The following LIG1 variants were observed in gnomAD, a reference collection of about 807,000 sequenced individuals.
LIG1 encodes the protein ligase I, DNA, ATP-dependent.
LIG1 carries 70 observed loss-of-function variants against 115.7 expected under a neutral mutation model. The observed-to-expected ratio is 0.60, with a 90% confidence interval of 0.50 to 0.74. The LOEUF is 0.74. Among genes scored for constraint, LIG1 ranks in the 30% least tolerant of loss-of-function variants. LIG1 has a pLI of 0.00. For missense variants in LIG1, 1,115 were observed against 1,225.6 expected, an observed-to-expected ratio of 0.91 and a Z score of 1.35; for synonymous variants, 487 against 495.3, an observed-to-expected ratio of 0.98 and a Z score of 0.22.
chr19:48,133,070 T>A lies in LIG1; in HGVS notation c.1637A>T (p.His546Leu). The change falls in exon 18 of 28, where the codon CAT becomes CTT. Residue 546 changes from histidine to leucine, a missense_variant. His to Leu is a moderately conservative substitution (Grantham distance 99). Coordinates refer to ENST00000263274, the MANE Select transcript of LIG1 (RefSeq NM_000234.3). ...PGIPLKPMLA[H>L]PTRGISEVLK... ...GACCTCGCTGATGCCCCGGGTGGGA[T>A]GGGCCAACATTGGTTTCAGGGGAAT... 6.2e-7 allele frequency: 1 copy of A among 1,614,002 alleles called. No individual in the cohort carries two copies.
At position 48,116,071 on chromosome 19, in the gene LIG1, G is replaced by A. The variant is rs371190338; in HGVS notation, c.2584-106C>T. 264 of 801,962 alleles carry A rather than the reference G, an allele frequency of 3.3e-4. 1 individual carries two copies. The highest frequency in any genetic ancestry group is 5.1e-4 in the Non-Finnish European group (242 of 469,932). 49.7% of individuals were successfully genotyped at this position (801,962 alleles called of 1,614,324 possible). ...GTTTCCTGATCCACATGACGGGGCCGAACGATGGGTTGTCATAAGGATTAA... is the reference window on the plus strand; with the variant it reads ...GTTTCCTGATCCACATGACGGGGCCAAACGATGGGTTGTCATAAGGATTAA... On this transcript the variant is annotated intron_variant, in intron 26 of 27. Transcript: ENST00000263274.
chr19:48,138,049 G>C (rs1411522403), intron 12 of LIG1, among the ~76,000 whole-genome samples: 1 of 152,184 alleles, frequency 6.6e-6, no homozygotes, highest in Non-Finnish European at 1.5e-5. Flanking sequence ...AGAAGGCCAA[G>C]GGACCCTTTC....
intron 18 of LIG1, among the ~76,000 whole-genome samples, chr19:48,132,079 C>T (rs1450714923): frequency 6.6e-6 from 1 of 151,926 alleles, no homozygotes; most frequent in Non-Finnish European, 1.5e-5. Context: ...GCTGGGACTA[C>T]AGGCACACGC....
At chr19:48,126,913 T>C (rs1045959229) in intron 21 of LIG1, 56 of 271,040 alleles carry the variant, frequency 2.1e-4, no homozygotes, top group African/African-American at 1.1e-3. Context: ...TAACCCAAGT[T>C]TTGAGAAAGT....
intron 11 of LIG1, 88 bp from the exon 12 acceptor site, chr19:48,140,231 TAGAAAGAAATGG>T: frequency 2.4e-6 from 2 of 839,778 alleles, no homozygotes; most frequent in East Asian, 2.6e-5. Context: ...GGGTGGACAC[TAGAAAGAAATGG>T]AGAAAGAAGA....
At chr19:48,144,238 C>A (rs566281862) in intron 9 of LIG1, among the ~76,000 whole-genome samples, 1 of 152,222 alleles carries the variant, frequency 6.6e-6, no homozygotes, top group African/African-American at 2.4e-5. Context: ...GATGAGGGTG[C>A]TGCTTCACAG....
rs192519584 is a variant in LIG1 at position 48,133,259 on chromosome 19, G to C, written c.1610-162C>G. ...GAAGGGGACCTAGCCTCCCACTGGG[G>C]ACTACAGCCCCCGGCCTTCCTTCCA... On this transcript the variant is annotated intron_variant, in intron 17 of 27. Coordinates refer to ENST00000263274, the MANE Select transcript of LIG1 (RefSeq NM_000234.3). 103 of 634,902 alleles carry C rather than the reference G, an allele frequency of 1.6e-4. 1 individual carries two copies. In the East Asian group the frequency reaches 2.7e-3, roughly 17 times the overall value. The allele number at this position is 634,902 out of a possible 1,614,324, so 39.3% of individuals were successfully genotyped here. A position where few individuals can be genotyped will look rare whatever the true frequency, so the allele number is the denominator to read the frequency against.
intron 17 of LIG1, chr19:48,133,405 G>T: frequency 2.4e-6 from 1 of 412,190 alleles, no homozygotes; most frequent in Non-Finnish European, 4.5e-6. Context: ...AATTAGAACA[G>T]GGAAGTGAGC....
Position 48,162,259 on chromosome 19 carries a change from T to C in LIG1, c.107+3A>G. ...TTCACCATATCCCAGCCCTGTGACA[T>C]ACTTTGGAGGGGGCTCCGTCTCTCT... is the stretch of plus-strand genomic sequence containing the variant. On this transcript the variant is annotated splice_donor_region_variant and intron_variant, in intron 3 of 27. Coordinates refer to ENST00000263274, the MANE Select transcript of LIG1 (RefSeq NM_000234.3). 6.2e-7 allele frequency: 1 copy of C among 1,611,274 alleles called. No homozygotes were observed. The highest frequency in any genetic ancestry group is 8.5e-7 in the Non-Finnish European group (1 of 1,177,448).
At chr19:48,135,006 G>A (rs1437911348) in intron 16 of LIG1, among the ~76,000 whole-genome samples, 4 of 152,240 alleles carry the variant, frequency 2.6e-5, no homozygotes, top group Admixed American at 2.0e-4. Context: ...CTCCACGGAT[G>A]TCCTCTCCAT....
chr19:48,164,636 C>A (rs1416618804), intron 2 of LIG1, among the ~76,000 whole-genome samples: 6 of 152,226 alleles, frequency 3.9e-5, no homozygotes, highest in Non-Finnish European at 7.3e-5. Flanking sequence ...AGGGTGAGGA[C>A]AACCTCAAGG....
At chr19:48,143,641 C>A in intron 10 of LIG1, 42 bp from the exon 11 acceptor site, 2 of 1,546,268 alleles carry the variant, frequency 1.3e-6, no homozygotes, top group Non-Finnish European at 1.8e-6. Flanking sequence ...GTGGTGCAGG[C>A]TATACCATGC....
chr19:48,120,081 G>A, intron 24 of LIG1: 2 of 598,942 alleles, frequency 3.3e-6, no homozygotes, highest in South Asian at 1.5e-4. Flanking sequence ...TGACAATGTA[G>A]ATTGGTGGCC....
rs576908900 is a variant in LIG1, at chr19:48,150,218, G to C, written c.575-8C>G. 6.9e-5 allele frequency: 112 copies of C among 1,613,972 alleles called. No individual in the cohort carries two copies. The highest frequency in any genetic ancestry group is 9.2e-5 in the Non-Finnish European group (108 of 1,180,040). On this transcript the variant is annotated splice_region_variant and splice_polypyrimidine_tract_variant and intron_variant, in intron 7 of 27. Coordinates refer to ENST00000263274, the MANE Select transcript of LIG1 (RefSeq NM_000234.3). ...CCGTCGGGGTCTCTGCTTCTGCGGTGAGAGAGCTCAGACGGTGATGCAAAC... is the reference window on the plus strand; with the variant it reads ...CCGTCGGGGTCTCTGCTTCTGCGGTCAGAGAGCTCAGACGGTGATGCAAAC...
At chr19:48,170,063 C>G in intron 1 of LIG1, 178 bp downstream of exon 1, 1 of 396,588 alleles carries the variant, frequency 2.5e-6, no homozygotes, top group Non-Finnish European at 5.1e-6. Context: ...AGACACCTCT[C>G]TGCACTCTCC....
chr19:48,120,690 A>T, intron 24 of LIG1: 1 of 463,296 alleles, frequency 2.2e-6, no homozygotes, highest in Non-Finnish European at 2.8e-6. Context: ...AGGCTGACTC[A>T]GGGTCCAACC....
rs770718097 is a variant in LIG1, at chr19:48,117,736, C to T, written c.2485G>A (p.Ala829Thr). Residue 829 changes from alanine to threonine, a missense_variant, in exon 26 of 28, where the codon GCT becomes ACT. Coordinates refer to ENST00000263274, the MANE Select transcript of LIG1 (RefSeq NM_000234.3). ...SPRPYVRIDG[A>T]VIPDHWLDPS... is the part of the protein sequence containing the mutation. Reference sequence around the variant, plus strand: ...TCCAGCCAGTGGTCGGGAATCACAGCGCCATCTATCCGCACGTAAGGGCGT... The same window carrying T: ...TCCAGCCAGTGGTCGGGAATCACAGTGCCATCTATCCGCACGTAAGGGCGT... 6.2e-6 allele frequency: 10 copies of T among 1,613,028 alleles called. No homozygotes were observed. Among genetic ancestry groups the T allele is most frequent in the Admixed American group, 3.3e-5 (2 of 59,890 alleles).
chr19:48,144,591 T>C (rs1305614067), intron 9 of LIG1, among the ~76,000 whole-genome samples: 1 of 151,722 alleles, frequency 6.6e-6, no homozygotes, highest in East Asian at 1.9e-4. Context: ...AACCTCTGCC[T>C]CCTGGCTTCA....
chr19:48,140,431 C>T (rs2034667645), intron 11 of LIG1, among the ~76,000 whole-genome samples: 1 of 152,152 alleles, frequency 6.6e-6, no homozygotes, highest in South Asian at 2.1e-4. Flanking sequence ...TTGTTCAGTC[C>T]TGGGCATAGG....
Sources: gnomAD v4.1 joint callset for allele counts (sites outside exome capture counted in the v4.1 genomes callset) on GRCh38, gnomAD v4.1.1 for gene constraint, MANE v1.5 for transcripts, NCBI Gene and HGNC (gene_info 2026-07-23, HGNC 2026-07-21) for gene names.